NCOA4: variants seen among roughly 807,000 people sequenced by gnomAD.
NCOA4 encodes the protein nuclear receptor coactivator 4, also known as 70 kDa AR-activator.
In NCOA4, 31 loss-of-function variants were observed where a neutral mutation model predicts 69.5. The ratio of observed to expected loss-of-function variants is 0.45; its 90% CI spans 0.34 to 0.60. The LOEUF is 0.60. NCOA4 is among the 20% of genes least tolerant of loss of function. The pLI is 0.02. For synonymous variants in NCOA4, 228 were observed against 252.4 expected, an observed-to-expected ratio of 0.90 and a Z score of 0.92; for missense variants, 600 against 719.2, an observed-to-expected ratio of 0.83 and a Z score of 1.90.
At position 46,010,250 on chromosome 10, in the gene NCOA4, G is replaced by A; in HGVS notation, c.1671C>T (p.Asp557=). The A allele has an allele frequency of 1.9e-6, 3 of 1,610,236 alleles. No homozygotes were observed. Among genetic ancestry groups the A allele is most frequent in the Non-Finnish European group, 2.5e-6 (3 of 1,178,782 alleles). Residue 557 remains aspartate (D), a synonymous_variant, in exon 8 of 10, where the codon GAC becomes GAT. Transcript: ENST00000581486. ...GNLSQLSSGE[D]KWLLRKKAQE... The stretch of plus-strand genomic sequence containing the variant: ...GGGCCTTCTTTCGAAGCAGCCACTT[G>A]TCTTCTCCAGAAGATAACTGGCTGA...
chr10:46,028,480 T>TA lies in NCOA4; in HGVS notation c.-15+2045dup, dbSNP rs1554925900. ...GTCTACTATGTGCCGAGCCTTTTTT[T>TA]AAAAAACTCACTATCTCAATTAGCC... On this transcript the variant is annotated intron_variant, in intron 1 of 9. Transcript: ENST00000581486. Among the ~76,000 whole-genome samples the TA allele has an allele frequency of 2.6e-5, 4 of 151,494 alleles. No homozygotes were observed. In the South Asian group the frequency reaches 6.2e-4, roughly 24 times the overall value.
chr10:46,012,087 A>AAAAAAAAAAAAAAAAAAC (rs1839258564), intron 7 of NCOA4, among the ~76,000 whole-genome samples: 2 of 138,900 alleles, frequency 1.4e-5, no homozygotes, highest in Admixed American at 7.0e-5. Flanking sequence ...AAAAAAAAAA[A>AAAAAAAAAAAAAAAAAAC]AAAAAAAAAA....
rs1459111301 is a variant in NCOA4, at chr10:46,006,560, G to T, written c.*32C>A. On this transcript the variant is annotated 3_prime_UTR_variant, in exon 10 of 10. Coordinates refer to ENST00000581486, the MANE Select transcript of NCOA4 (RefSeq NM_001145263.2). ...CTCAGCTCATGATGTGTGATAATCA[G>T]CAGAAAGGCTGCTCAACTCTTGTCC... The T allele has an allele frequency of 1.9e-6, 3 of 1,612,710 alleles. No individual in the cohort carries two copies. In the African/African-American group the frequency reaches 4.0e-5, roughly 22 times the overall value.
At chr10:46,012,773 G>A in intron 7 of NCOA4, 110 bp downstream of exon 7, 2 of 1,069,606 alleles carry the variant, frequency 1.9e-6, no homozygotes, top group Non-Finnish European at 2.5e-6. Flanking sequence ...TAATAAATAT[G>A]TTTCCAGACT....
At chr10:46,013,950 AT>A (rs1174069111) in intron 5 of NCOA4, among the ~76,000 whole-genome samples, 97 of 152,356 alleles carry the variant, frequency 6.4e-4, no homozygotes, top group Non-Finnish European at 1.1e-3. Context: ...AGAGAGATAC[AT>A]GAGGCATTCC....
chr10:46,020,181 T>G (rs74134605), intron 1 of NCOA4, among the ~76,000 whole-genome samples: 6,279 of 152,226 alleles, frequency 0.041, 438 homozygotes, highest in African/African-American at 0.14. Context: ...TTTTCAACAG[T>G]TATTCACCAT....
At chr10:46,009,794 T>A (rs1249002497) in intron 8 of NCOA4, among the ~76,000 whole-genome samples, 2 of 152,222 alleles carry the variant, frequency 1.3e-5, no homozygotes, top group Non-Finnish European at 2.9e-5. Flanking sequence ...AAAAAAATCA[T>A]AAATCCTCCA....
intron 1 of NCOA4, among the ~76,000 whole-genome samples, chr10:46,022,968 TTTTAAGA>T (rs1554924781): frequency 1.3e-5 from 2 of 152,186 alleles, no homozygotes. Context: ...CTATTGAACA[TTTTAAGA>T]TTTAACACTT....
Position 46,005,305 on chromosome 10 carries a change from A to G in NCOA4, c.*1287T>C, listed in dbSNP as rs782648690. On this transcript the variant is annotated 3_prime_UTR_variant, in exon 10 of 10. Coordinates refer to ENST00000581486, the MANE Select transcript of NCOA4 (RefSeq NM_001145263.2). Reference sequence around the variant, plus strand: ...CACCTTTATATAATACTCCTAAATGATATCTGGGGAGGGAATTAAAAAATA... The same window carrying G: ...CACCTTTATATAATACTCCTAAATGGTATCTGGGGAGGGAATTAAAAAATA... The G allele has an allele frequency of 9.3e-6, 2 of 214,268 alleles. No individual in the cohort carries two copies. The highest frequency in any genetic ancestry group is 5.9e-5 in the Admixed American group (1 of 17,088). The allele number at this position is 214,268 out of a possible 1,614,324, so 13.3% of individuals were successfully genotyped here. A position where few individuals can be genotyped will look rare whatever the true frequency, so the allele number is the denominator to read the frequency against.
intron 1 of NCOA4, among the ~76,000 whole-genome samples, chr10:46,024,396 CTT>C: frequency 6.6e-6 from 1 of 152,192 alleles, no homozygotes; most frequent in East Asian, 1.9e-4. Flanking sequence ...TACAAAGAAA[CTT>C]TGTTGGCCGT....
intron 9 of NCOA4, among the ~76,000 whole-genome samples, chr10:46,008,391 G>T (rs534225975): frequency 6.6e-6 from 1 of 152,164 alleles, no homozygotes; most frequent in South Asian, 2.1e-4. Context: ...TGGAAGAAAC[G>T]GATTCCCACC....
At chr10:46,024,271 T>C (rs1840045201) in intron 1 of NCOA4, among the ~76,000 whole-genome samples, 1 of 152,242 alleles carries the variant, frequency 6.6e-6, no homozygotes, top group African/African-American at 2.4e-5. Flanking sequence ...TTTATGGTCC[T>C]TTGTACTAAT....
chr10:46,007,669 T>C (rs1838926632), intron 9 of NCOA4, among the ~76,000 whole-genome samples: 1 of 142,426 alleles, frequency 7.0e-6, no homozygotes, highest in Non-Finnish European at 1.5e-5. Context: ...TATAGCACAC[T>C]GCAGCCTTGA....
intron 1 of NCOA4, among the ~76,000 whole-genome samples, chr10:46,020,963 CT>C (rs782453805): frequency 7.9e-5 from 12 of 152,194 alleles, no homozygotes; most frequent in Non-Finnish European, 1.3e-4. Context: ...TCTAGTATCC[CT>C]GTCCTAAATT....
In NCOA4 at chr10:46,014,491, T is replaced by G. The variant is rs185016804; in HGVS notation, c.433A>C (p.Ile145Leu). 1 of 1,614,042 alleles carries G rather than the reference T, an allele frequency of 6.2e-7. No homozygotes were observed. Among genetic ancestry groups the G allele is most frequent in the Admixed American group, 1.7e-5 (1 of 60,020 alleles). Residue 145 changes from isoleucine to leucine, a missense_variant, in exon 5 of 10, where the codon ATT becomes CTT. By Grantham distance (5) the Ile-to-Leu change is conservative. Coordinates refer to ENST00000581486, the MANE Select transcript of NCOA4 (RefSeq NM_001145263.2). ...STVLLFEADT[I>L]TLRQTITTFG... ...GTGGTGATGGTCTGGCGCAGAGTAA[T>G]TGTGTCAGCTTCAAAGAGCAGGACA... is the stretch of plus-strand genomic sequence containing the variant.
intron 3 of NCOA4, 71 bp from the exon 4 acceptor site, chr10:46,015,013 G>A (rs2132339729): frequency 2.5e-6 from 4 of 1,575,764 alleles, no homozygotes; most frequent in East Asian, 2.2e-5. Flanking sequence ...TTACCAAACA[G>A]CACTTGAGAT....
intron 1 of NCOA4, among the ~76,000 whole-genome samples, chr10:46,025,796 A>C (rs1554925427): frequency 6.6e-6 from 1 of 152,172 alleles, no homozygotes; most frequent in Non-Finnish European, 1.5e-5. Flanking sequence ...GGACGCCTGT[A>C]ACATATGTTA....
chr10:46,016,620 T>C lies in NCOA4; in HGVS notation c.61A>G (p.Ser21Gly). 1 of 1,565,640 alleles carries C rather than the reference T, an allele frequency of 6.4e-7. No individual in the cohort carries two copies. Among genetic ancestry groups the C allele is most frequent in the Non-Finnish European group, 8.7e-7 (1 of 1,149,610 alleles). The change falls in exon 2 of 10, where the codon AGT becomes GGT. Residue 21 changes from serine to glycine, a missense_variant. Ser to Gly is a moderately conservative substitution (Grantham distance 56, BLOSUM62 0). Transcript: ENST00000581486. ...AGCTCCAAGTCCCTCCGTGCATCAC[T>C]ACACCTCAAAAGGGGTTCTCTATTA... ...SSNREPLLRCSDARRDLELAI... is the reference protein window; with the variant it reads ...SSNREPLLRCGDARRDLELAI...
chr10:46,010,522 C>T lies in NCOA4; in HGVS notation c.1399G>A (p.Val467Ile). 6.2e-7 allele frequency: 1 copy of T among 1,614,200 alleles called. No homozygotes were observed. Among genetic ancestry groups the T allele is most frequent in the Non-Finnish European group, 8.5e-7 (1 of 1,180,036 alleles). ...LNMWLCPRKE[V>I]IEQTKAPKAM... ...TTTGGTGCTTTAGTTTGTTCTATTA[C>T]TTCTTTTCTAGGACAGAGCCACATA... The change falls in exon 8 of 10, where the codon GTA becomes ATA. Residue 467 changes from valine to isoleucine, a missense_variant. Coordinates refer to ENST00000581486, the MANE Select transcript of NCOA4 (RefSeq NM_001145263.2).
Sources: allele counts gnomAD v4.1 joint callset (sites outside exome capture counted in the v4.1 genomes callset), GRCh38; gene constraint gnomAD v4.1.1; transcripts MANE v1.5; gene names NCBI Gene and HGNC (gene_info 2026-07-23, HGNC 2026-07-21).